PARD3: variants seen among roughly 807,000 people sequenced by gnomAD.
PARD3 encodes partitioning defective 3 homolog.
In PARD3, 75 loss-of-function variants were observed where a neutral mutation model predicts 155.4. The observed-to-expected ratio is 0.48, with a 90% confidence interval of 0.40 to 0.58. PARD3 has a LOEUF of 0.58. Ranked by LOEUF, PARD3 falls within the 20% of genes least tolerant of loss-of-function variation. The probability of loss-of-function intolerance (pLI) is 0.00; values close to 1 mark genes in which losing one functional copy is unlikely to be tolerated. For missense variants in PARD3, 1,642 were observed against 1,721.7 expected (o/e 0.95, Z 0.82); for synonymous variants, 576 against 610.5 (o/e 0.94, Z 0.83).
intron 10 of PARD3, among the ~76,000 whole-genome samples, chr10:34,375,648 C>T (rs758402416): frequency 1.3e-5 from 2 of 152,094 alleles, no homozygotes; most frequent in Non-Finnish European, 2.9e-5. Context: ...TTTTATCTAA[C>T]AGGAAGTATA....
chr10:34,722,020 TATA>T (rs2094614961), intron 1 of PARD3, among the ~76,000 whole-genome samples: 1 of 151,796 alleles, frequency 6.6e-6, no homozygotes, highest in African/African-American at 2.4e-5. Flanking sequence ...TCTAAAAAAA[TATA>T]ATAATAAAAA....
intron 22 of PARD3, among the ~76,000 whole-genome samples, chr10:34,238,927 A>T (rs949896442): frequency 6.6e-6 from 1 of 152,224 alleles, no homozygotes; most frequent in African/African-American, 2.4e-5. Context: ...TCAGAATAGA[A>T]ATTTAACACT....
intron 22 of PARD3, among the ~76,000 whole-genome samples, chr10:34,141,815 A>G (rs903734323): frequency 6.6e-6 from 1 of 152,152 alleles, no homozygotes; most frequent in African/African-American, 2.4e-5. Flanking sequence ...AAATACACAC[A>G]AGAAAGCCCT....
chr10:34,243,660 G>T (rs1171055590), intron 22 of PARD3, among the ~76,000 whole-genome samples: 1 of 152,112 alleles, frequency 6.6e-6, no homozygotes, highest in Non-Finnish European at 1.5e-5. Context: ...ACATGGTGAA[G>T]CCCCGTCTCT....
intron 1 of PARD3, among the ~76,000 whole-genome samples, chr10:34,737,853 T>C (rs1175888241): frequency 1.3e-5 from 2 of 152,080 alleles, no homozygotes; most frequent in Non-Finnish European, 2.9e-5. Flanking sequence ...ATGAAACATC[T>C]AGGAAAGTAG....
intron 2 of PARD3, among the ~76,000 whole-genome samples, chr10:34,685,106 T>C (rs2093932348): frequency 6.6e-6 from 1 of 152,188 alleles, no homozygotes; most frequent in Admixed American, 6.6e-5. Context: ...TTTGATTCAA[T>C]ATTGAAACTA....
At chr10:34,237,028 G>A (rs893356508) in intron 22 of PARD3, among the ~76,000 whole-genome samples, 17 of 152,142 alleles carry the variant, frequency 1.1e-4, no homozygotes, top group Admixed American at 6.5e-5. Context: ...GACAGATGCT[G>A]AGGTCAAGAC....
intron 22 of PARD3, among the ~76,000 whole-genome samples, chr10:34,166,648 A>C (rs927981182): frequency 4.0e-5 from 6 of 151,860 alleles, no homozygotes; most frequent in African/African-American, 1.4e-4. Context: ...AGAGTTCAGA[A>C]AGGACTCTAC....
intron 22 of PARD3, among the ~76,000 whole-genome samples, chr10:34,194,714 T>C (rs149184466): frequency 3.4e-4 from 51 of 151,692 alleles, no homozygotes; most frequent in Non-Finnish European, 6.8e-4. Context: ...AGATGAAATG[T>C]GTAAGTTATT....
chr10:34,140,064 T>A (rs1305000798), intron 22 of PARD3, among the ~76,000 whole-genome samples: 2 of 152,182 alleles, frequency 1.3e-5, no homozygotes, highest in Non-Finnish European at 1.5e-5. Flanking sequence ...ATTAAACCCA[T>A]TACACCCCGT....
chr10:34,160,813 ACC>A (rs1355759324), intron 22 of PARD3, among the ~76,000 whole-genome samples: 2 of 152,230 alleles, frequency 1.3e-5, no homozygotes, highest in Admixed American at 1.3e-4. Flanking sequence ...CCATTAACTT[ACC>A]GCAACCTCAT....
intron 2 of PARD3, among the ~76,000 whole-genome samples, chr10:34,568,704 G>A (rs1484789719): frequency 6.6e-6 from 1 of 152,194 alleles, no homozygotes; most frequent in Non-Finnish European, 1.5e-5. Context: ...CAGAGATGCT[G>A]CAGTTAAAGA....
At chr10:34,513,111 A>G (rs1000596142) in intron 3 of PARD3, among the ~76,000 whole-genome samples, 4 of 152,246 alleles carry the variant, frequency 2.6e-5, no homozygotes, top group Non-Finnish European at 5.9e-5. Flanking sequence ...TATTAAGTGT[A>G]TGAATATTAA....
At chr10:34,148,167 A>G (rs151300206) in intron 22 of PARD3, among the ~76,000 whole-genome samples, 8 of 152,274 alleles carry the variant, frequency 5.3e-5, no homozygotes, top group Middle Eastern at 3.4e-3. Flanking sequence ...TTTAGATATA[A>G]ATATCAGCAA....
At chr10:34,381,784 G>A (rs1310970272) in intron 9 of PARD3, among the ~76,000 whole-genome samples, 1 of 151,670 alleles carries the variant, frequency 6.6e-6, no homozygotes, top group Non-Finnish European at 1.5e-5. Flanking sequence ...ATTTGTAAAT[G>A]AGATGGGCAT....
At chr10:34,777,675 C>T (rs115065276) in intron 1 of PARD3, among the ~76,000 whole-genome samples, 1,569 of 152,074 alleles carry the variant, frequency 0.01, 32 homozygotes, top group African/African-American at 0.037. Flanking sequence ...GAACTACAGG[C>T]ATGCACTACA....
chr10:34,277,866 G>T (rs1244732375), intron 21 of PARD3, among the ~76,000 whole-genome samples: 1 of 152,090 alleles, frequency 6.6e-6, no homozygotes, highest in Non-Finnish European at 1.5e-5. Context: ...GTGCTTAGGG[G>T]GAGAGAGACT....
intron 19 of PARD3, among the ~76,000 whole-genome samples, chr10:34,330,249 CG>C (rs1262302575): frequency 5.9e-5 from 9 of 152,046 alleles, no homozygotes; most frequent in African/African-American, 2.2e-4. Context: ...GTAAATATAT[CG>C]GTAGAGTTTT....
intron 3 of PARD3, among the ~76,000 whole-genome samples, chr10:34,503,645 T>G (rs543214749): frequency 6.6e-6 from 1 of 152,216 alleles, no homozygotes; most frequent in Non-Finnish European, 1.5e-5. Flanking sequence ...CACCGCAGGA[T>G]AGACAACAGG....
Sources: allele counts gnomAD v4.1 joint callset (sites outside exome capture counted in the v4.1 genomes callset), GRCh38; gene constraint gnomAD v4.1.1; transcripts MANE v1.5; gene names NCBI Gene and HGNC (gene_info 2026-07-23, HGNC 2026-07-21).